NUP93: variants seen among roughly 807,000 people sequenced by gnomAD.
The protein encoded by NUP93 is nucleoporin 93.
A neutral mutation model predicts 107.8 loss-of-function variants in NUP93; 55 were observed. The ratio of observed to expected loss-of-function variants is 0.51; its 90% confidence interval spans 0.41 to 0.64. The LOEUF (loss-of-function observed/expected upper bound fraction) is 0.64, where lower values mean the gene tolerates loss of function less well. Ranked by LOEUF, NUP93 falls within the 30% of genes least tolerant of loss-of-function variation. NUP93 has a pLI of 0.00. For missense variants in NUP93, 937 were observed against 1,044.7 expected (o/e 0.90, Z 1.42); for synonymous variants, 390 against 397.5 (o/e 0.98, Z 0.22).
At position 56,755,576 on chromosome 16, in the gene NUP93, A is replaced by G. The variant is rs938013041; in HGVS notation, c.180-2962A>G. Reference sequence around the variant, plus strand: ...TGATTGTACAATTTTATGAATACATAAAAATCACTGAATTGTAGGCCAGGC... The same window carrying G: ...TGATTGTACAATTTTATGAATACATGAAAATCACTGAATTGTAGGCCAGGC... On this transcript the variant is annotated intron_variant, in intron 2 of 21. Transcript: ENST00000308159. Among the ~76,000 whole-genome samples, 4 of 152,144 alleles carry G rather than the reference A, an allele frequency of 2.6e-5. No homozygotes were observed. In the South Asian group the frequency reaches 8.3e-4, roughly 31 times the overall value.
intron 8 of NUP93, 29 bp downstream of exon 8, chr16:56,823,875 G>A (rs1281807987): frequency 2.5e-6 from 4 of 1,606,096 alleles, no homozygotes; most frequent in Non-Finnish European, 3.4e-6. Flanking sequence ...AGTGGGGCTG[G>A]CTTTCACATC....
intron 20 of NUP93, among the ~76,000 whole-genome samples, chr16:56,841,338 G>A (rs1038268323): frequency 4.7e-5 from 7 of 148,580 alleles, no homozygotes; most frequent in African/African-American, 9.9e-5. Context: ...GAGAAGTAGC[G>A]TGTGCACCTG....
chr16:56,738,843 TTCAC>T, intron 1 of NUP93, among the ~76,000 whole-genome samples: 1 of 152,238 alleles, frequency 6.6e-6, no homozygotes, highest in Non-Finnish European at 1.5e-5. Flanking sequence ...GAAAGAATCA[TTCAC>T]AAGAATGTTG....
At chr16:56,792,398 T>C (rs1337971905) in intron 3 of NUP93, among the ~76,000 whole-genome samples, 1 of 152,112 alleles carries the variant, frequency 6.6e-6, no homozygotes, top group Non-Finnish European at 1.5e-5. Flanking sequence ...TGATGAGAGA[T>C]AGCATGGAGC....
chr16:56,772,393 T>C lies in NUP93; in HGVS notation c.297+13738T>C, dbSNP rs531954468. Reference sequence around the variant, plus strand: ...ATACCTTGTCCTGTAGTCTTACTTTTCTTATGCCTTGCTGAGGAAGGCATC... The same window carrying C: ...ATACCTTGTCCTGTAGTCTTACTTTCCTTATGCCTTGCTGAGGAAGGCATC... On this transcript the variant is annotated intron_variant, in intron 3 of 21. Transcript: ENST00000308159. Among the ~76,000 whole-genome samples the C allele has an allele frequency of 7.9e-5, 12 of 152,374 alleles. No individual in the cohort carries two copies. In the East Asian group the frequency reaches 2.1e-3, roughly 27 times the overall value.
intron 16 of NUP93, 97 bp from the exon 17 acceptor site, chr16:56,836,504 A>T (rs1963914423): frequency 2.8e-6 from 2 of 726,524 alleles, no homozygotes; most frequent in Non-Finnish European, 4.8e-6. Flanking sequence ...ATTCCACTTG[A>T]AGTATTTTTT....
chr16:56,764,925 G>A (rs1328127343), intron 3 of NUP93, among the ~76,000 whole-genome samples: 1 of 152,212 alleles, frequency 6.6e-6, no homozygotes, highest in African/African-American at 2.4e-5. Context: ...AAACTGCTAA[G>A]CATGTTTACC....
intron 3 of NUP93, among the ~76,000 whole-genome samples, chr16:56,772,713 A>G (rs1962345272): frequency 6.6e-6 from 1 of 152,188 alleles, no homozygotes; most frequent in Non-Finnish European, 1.5e-5. Flanking sequence ...ATTTAGTTTT[A>G]TTTGTCTAGC....
At position 56,734,676 on chromosome 16, in the gene NUP93, C is replaced by T. The variant is rs143968154; in HGVS notation, c.-15+4465C>T. 4.3e-3 allele frequency among the ~76,000 whole-genome samples: 653 copies of T among 152,048 alleles called. 6 individuals are homozygous for T. Among genetic ancestry groups the T allele is most frequent in the African/African-American group, 0.015 (605 of 41,440 alleles). On this transcript the variant is annotated intron_variant, in intron 1 of 21. Coordinates refer to ENST00000308159, the MANE Select transcript of NUP93 (RefSeq NM_014669.5). ...ACCAGGATGATAGTGGTAGAAGAGA[C>T]AAAAAGTGGGTCTGACTCATGTATA...
chr16:56,764,833 G>A (rs1159670078), intron 3 of NUP93, among the ~76,000 whole-genome samples: 1 of 152,220 alleles, frequency 6.6e-6, no homozygotes, highest in Non-Finnish European at 1.5e-5. Context: ...TCAAGGGAAA[G>A]TACAGTCTGA....
intron 3 of NUP93, among the ~76,000 whole-genome samples, chr16:56,789,775 A>G (rs1379354608): frequency 6.6e-6 from 1 of 152,250 alleles, no homozygotes; most frequent in Non-Finnish European, 1.5e-5. Flanking sequence ...CTGTGAACAA[A>G]CAATTTAAAG....
intron 1 of NUP93, among the ~76,000 whole-genome samples, chr16:56,737,419 A>G (rs1330886425): frequency 6.6e-6 from 1 of 152,142 alleles, no homozygotes; most frequent in African/African-American, 2.4e-5. Context: ...CCATCTCCAA[A>G]TAGCATCACA....
At chr16:56,797,810 A>T (rs1567393299) in intron 3 of NUP93, among the ~76,000 whole-genome samples, 3 of 152,218 alleles carry the variant, frequency 2.0e-5, no homozygotes, top group Non-Finnish European at 4.4e-5. Context: ...AGGCACTAGG[A>T]TTTGAAACTG....
intron 3 of NUP93, among the ~76,000 whole-genome samples, chr16:56,784,900 G>T (rs1596797422): frequency 6.6e-6 from 1 of 152,170 alleles, no homozygotes; most frequent in Non-Finnish European, 1.5e-5. Flanking sequence ...GGGAGACAAT[G>T]ATTTTCTTCA....
chr16:56,835,775 T>C (rs1963896031), intron 16 of NUP93, among the ~76,000 whole-genome samples: 1 of 152,200 alleles, frequency 6.6e-6, no homozygotes, highest in South Asian at 2.1e-4. Context: ...AAGGCCTCTC[T>C]CATGCTCTCC....
chr16:56,793,695 A>T (rs1962819707), intron 3 of NUP93, among the ~76,000 whole-genome samples: 1 of 152,126 alleles, frequency 6.6e-6, no homozygotes, highest in Non-Finnish European at 1.5e-5. Context: ...TAGTTCTTTA[A>T]TTCCATTGGG....
chr16:56,796,359 G>A (rs150689456), intron 3 of NUP93, among the ~76,000 whole-genome samples: 158 of 152,278 alleles, frequency 1.0e-3, no homozygotes, highest in Non-Finnish European at 1.1e-3. Flanking sequence ...GTACAGGTTC[G>A]TAGCCTGGGA....
intron 2 of NUP93, among the ~76,000 whole-genome samples, chr16:56,757,256 C>T (rs1256694144): frequency 1.3e-5 from 2 of 152,202 alleles, no homozygotes; most frequent in African/African-American, 2.4e-5. Flanking sequence ...TACTAAGTTA[C>T]TCAAAGTGAA....
rs1169003119 is a variant in NUP93 at position 56,831,595 on chromosome 16, T to C, written c.1086-247T>C. 7.1e-6 allele frequency: 3 copies of C among 424,132 alleles called. No homozygotes were observed. In the East Asian group the frequency reaches 1.3e-4, roughly 19 times the overall value. The allele number at this position is 424,132 out of a possible 1,614,324, so 26.3% of individuals were successfully genotyped here. A position where few individuals can be genotyped will look rare whatever the true frequency, so the allele number is the denominator to read the frequency against. The stretch of plus-strand genomic sequence containing the variant: ...AATGGAGTTCTAATTCCCTGGCATT[T>C]CTCACCTGCCCATGAAGGCCTCAGC... On this transcript the variant is annotated intron_variant, in intron 10 of 21. Transcript: ENST00000308159.
Sources: allele counts gnomAD v4.1 joint callset (sites outside exome capture counted in the v4.1 genomes callset), GRCh38; gene constraint gnomAD v4.1.1; transcripts MANE v1.5; gene names NCBI Gene and HGNC (gene_info 2026-07-23, HGNC 2026-07-21).